The following POLR2F variants were observed in gnomAD, a reference collection of about 807,000 sequenced individuals.
The protein encoded by POLR2F is DNA-directed RNA polymerases I, II, and III subunit RPABC2.
Under a neutral mutation model 22.7 loss-of-function variants are expected in POLR2F, and 12 were observed. That is an observed-to-expected ratio of 0.53 (90% CI 0.34 to 0.86). The LOEUF is 0.86. POLR2F is among the 40% of genes least tolerant of loss of function. The pLI, the probability that POLR2F is intolerant of heterozygous loss-of-function variation, is 0.02. For missense variants in POLR2F, 126 were observed against 171.5 expected (o/e 0.73, Z 1.48); for synonymous variants, 57 against 66.0 (o/e 0.86, Z 0.66).
At chr22:38,002,681 A>G (rs2084783342) in intron 1 of POLR2F, among the ~76,000 whole-genome samples, 1 of 151,766 alleles carries the variant, frequency 6.6e-6, no homozygotes, top group Non-Finnish European at 1.5e-5. Context: ...AACCTTACAG[A>G]GAGAGAAGGG....
downstream of POLR2F, chr22:37,971,410 G>A (rs1932047645): frequency 2.4e-6 from 1 of 417,468 alleles, no homozygotes; most frequent in African/African-American, 2.1e-5. Flanking sequence ...TATGAGCTGG[G>A]TATGAGGAAG....
rs149170480 is a variant in POLR2F at position 38,017,999 on chromosome 22, C to A, written c.121-7870C>A. On this transcript the variant is annotated intron_variant, in intron 1 of 2. Transcript: ENST00000333418. This position sits in a 1 kb window ranked among gnomAD's most constrained non-coding sequence, Gnocchi z 4.1. Reference sequence around the variant, plus strand: ...CCTATAACGTGGCCATAAGGTGGAACGTTATCCAGATCCTCCTGGGCTTCA... The same window carrying A: ...CCTATAACGTGGCCATAAGGTGGAAAGTTATCCAGATCCTCCTGGGCTTCA... Among the ~76,000 whole-genome samples the A allele has an allele frequency of 6.6e-6, 1 of 152,186 alleles. No individual in the cohort carries two copies. Among genetic ancestry groups the A allele is most frequent in the African/African-American group, 2.4e-5 (1 of 41,432 alleles).
At chr22:38,025,547 C>T (rs1012748812) in intron 1 of POLR2F, 40 of 1,465,074 alleles carry the variant, frequency 2.7e-5, no homozygotes, top group Non-Finnish European at 3.6e-5. Context: ...GTTTGCCTGT[C>T]CACGCCCTTC....
intron 3 of POLR2F, among the ~76,000 whole-genome samples, chr22:37,961,110 A>G (rs916073024): frequency 6.6e-6 from 1 of 151,922 alleles, no homozygotes; most frequent in Non-Finnish European, 1.5e-5. Context: ...TGGCCTCCCA[A>G]AGTACTGGGA....
Position 38,015,129 on chromosome 22 carries a change from T to C in POLR2F, c.121-10740T>C, listed in dbSNP as rs2084905876. Among the ~76,000 whole-genome samples the C allele has an allele frequency of 2.0e-5, 3 of 152,108 alleles. No individual in the cohort carries two copies. The South Asian group carries it at 6.2e-4, about 31-fold the overall frequency. ...CCTCTGGCTAGGACTTCTAATACAG[T>C]GTTGAACAGAAGTGAGATTGGATAT... On this transcript the variant is annotated intron_variant, in intron 1 of 2. Transcript: ENST00000333418.
chr22:37,958,187 C>CTTT (rs555979060), intron 2 of POLR2F, among the ~76,000 whole-genome samples: 6 of 133,296 alleles, frequency 4.5e-5, no homozygotes, highest in Non-Finnish European at 4.9e-5. Context: ...TCAGAGTCAA[C>CTTT]TTTTTTTTTT....
chr22:38,041,565 T>TA (rs1356672668), downstream of POLR2F: 1 of 158,658 alleles, frequency 6.3e-6, no homozygotes, highest in Non-Finnish European at 1.4e-5. Context: ...CCTGCATCCT[T>TA]ACGTTAACTC....
At chr22:38,027,298 C>G (rs1289832906), downstream of POLR2F, among the ~76,000 whole-genome samples, 1 of 152,078 alleles carries the variant, frequency 6.6e-6, no homozygotes, top group Non-Finnish European at 1.5e-5. Context: ...ACGCTGAGTT[C>G]GTGTTCTTCT....
At chr22:38,037,425 C>T (rs1601921585) in intron 5 of POLR2F, among the ~76,000 whole-genome samples, 2 of 149,776 alleles carry the variant, frequency 1.3e-5, no homozygotes, top group Non-Finnish European at 2.9e-5. Context: ...AGGTGCACAC[C>T]ACCATGCTCG....
upstream of POLR2F, among the ~76,000 whole-genome samples, chr22:37,985,747 T>G (rs1235863857): frequency 5.9e-5 from 7 of 118,818 alleles, no homozygotes; most frequent in East Asian, 4.7e-4. Context: ...GTGTAGGGGG[T>G]GGGAAATGGG....
At position 37,974,327 on chromosome 22, in the gene POLR2F, AT is replaced by A. The variant is rs991511057; in HGVS notation, c.293+7161del. The A allele has an allele frequency of 8.8e-6, 6 of 678,052 alleles. No homozygotes were observed. Among genetic ancestry groups the A allele is most frequent in the Non-Finnish European group, 1.5e-5 (6 of 401,260 alleles). The allele number at this position is 678,052 out of a possible 1,614,324, so 42.0% of individuals were successfully genotyped here. ...TCTGGGAAAACCTTGTAAGTTTCAC[AT>A]TTTGGCAGCATGAGTCGGGTTTTTT... On this transcript the variant is annotated intron_variant, in intron 4 of 4. Coordinates refer to the POLR2F transcript ENST00000405557. This position sits in a 1 kb window ranked among gnomAD's most constrained non-coding sequence, Gnocchi z 5.4.
exon 2 of POLR2F, chr22:38,026,045 A>C: frequency 1.9e-6 from 1 of 538,984 alleles, no homozygotes; most frequent in Admixed American, 1.9e-5. Context: ...AATAAGACGG[A>C]CTCTGCTGCC....
At chr22:38,025,888 C>T (rs1255762343) in exon 2 of POLR2F, 3 of 844,790 alleles carry the variant, frequency 3.6e-6, no homozygotes, top group Admixed American at 3.5e-5. Flanking sequence ...CGTCTCTTCT[C>T]CCTCCTGTCT....
chr22:37,956,100 G>T (rs576483607), intron 1 of POLR2F, among the ~76,000 whole-genome samples: 30 of 151,126 alleles, frequency 2.0e-4, no homozygotes, highest in African/African-American at 5.1e-4. Flanking sequence ...TGGCGGGGGG[G>T]GGTTTTGAGA....
intron 5 of POLR2F, among the ~76,000 whole-genome samples, chr22:38,037,712 C>A (rs555713206): frequency 4.4e-4 from 67 of 152,246 alleles, no homozygotes; most frequent in Non-Finnish European, 8.4e-4. Context: ...CCAGCCTCAG[C>A]CTCCTGAGTA....
In POLR2F at chr22:37,974,623, G is replaced by A. The variant is rs1601879879; in HGVS notation, c.293+7453G>A. ...CTGCCTCGGCCTCCCAAAGTGCTGGGATTACCATCATGAGCCACTGCGCCC... is the reference window on the plus strand; with the variant it reads ...CTGCCTCGGCCTCCCAAAGTGCTGGAATTACCATCATGAGCCACTGCGCCC... On this transcript the variant is annotated intron_variant, in intron 4 of 4. Transcript: ENST00000405557. The surrounding 1 kb of genome is among the most constrained non-coding windows in gnomAD (Gnocchi z 5.4). 6.6e-6 allele frequency among the ~76,000 whole-genome samples: 1 copy of A among 152,100 alleles called. No homozygotes were observed. Among genetic ancestry groups the A allele is most frequent in the Non-Finnish European group, 1.5e-5 (1 of 68,024 alleles).
chr22:37,954,668 G>T (rs950763719), intron 1 of POLR2F, among the ~76,000 whole-genome samples: 4 of 152,194 alleles, frequency 2.6e-5, no homozygotes, highest in Non-Finnish European at 4.4e-5. Flanking sequence ...GAGGTGGTGA[G>T]AACTGGTTTT....
At chr22:38,014,555 C>T (rs934833623) in intron 1 of POLR2F, among the ~76,000 whole-genome samples, 33 of 148,786 alleles carry the variant, frequency 2.2e-4, no homozygotes, top group East Asian at 1.8e-3. Flanking sequence ...CAGTGTGGCA[C>T]GATCTCGGCT....
intron 1 of POLR2F, among the ~76,000 whole-genome samples, chr22:37,996,651 C>A (rs2084716908): frequency 2.6e-5 from 4 of 152,170 alleles, no homozygotes; most frequent in South Asian, 4.1e-4. Flanking sequence ...GAGGAAGAGC[C>A]CTGGGTGGGA....
Sources: gnomAD v4.1 joint callset for allele counts (sites outside exome capture counted in the v4.1 genomes callset) on GRCh38, gnomAD v4.1.1 for gene constraint, Gnocchi (gnomAD v3.1) non-coding constraint, MANE v1.5 for transcripts, NCBI Gene and HGNC (gene_info 2026-07-23, HGNC 2026-07-21) for gene names.